PIH1D1: variants seen among roughly 807,000 people sequenced by gnomAD.
PIH1D1 encodes PIH1 domain containing 1.
PIH1D1 carries 28 observed loss-of-function variants against 38.5 expected under a neutral mutation model. The ratio of observed to expected loss-of-function variants is 0.73; its 90% CI spans 0.54 to 1.00. The LOEUF (loss-of-function observed/expected upper bound fraction) is 1.00, where lower values mean the gene tolerates loss of function less well. Among genes scored for constraint, PIH1D1 ranks in the 50% least tolerant of loss-of-function variants. The pLI is 0.00. For synonymous variants in PIH1D1, 155 were observed against 153.5 expected, an observed-to-expected ratio of 1.01 and a Z score of -0.07; for missense variants, 343 against 369.9, an observed-to-expected ratio of 0.93 and a Z score of 0.60.
At chr19:49,447,963 AC>A in intron 4 of PIH1D1, 37 bp downstream of exon 4, 1 of 1,613,552 alleles carries the variant, frequency 6.2e-7, no homozygotes, top group African/African-American at 1.3e-5. Flanking sequence ...AGGGGTAGAG[AC>A]CCCTGCCCAG....
In PIH1D1 at chr19:49,451,508, G is replaced by T; in HGVS notation, c.67C>A (p.Arg23=). 1 of 1,613,744 alleles carries T rather than the reference G, an allele frequency of 6.2e-7. No homozygotes were observed. Among genetic ancestry groups the T allele is most frequent in the African/African-American group, 1.3e-5 (1 of 74,976 alleles). The change falls in exon 1 of 9, where the codon CGA becomes AGA. Residue 23 remains arginine, a synonymous_variant. Coordinates refer to ENST00000262265, the MANE Select transcript of PIH1D1 (RefSeq NM_017916.3). ...ACCTGCAGCAGCAGCTCCTCAAATC[G>T]CGCCGAATCAGCACCGATCGCCTCC... ...EAEAIGADSA[R]FEELLLQASK...
chr19:49,446,705 G>A lies in PIH1D1; in HGVS notation c.688-11C>T. The A allele has an allele frequency of 6.5e-7, 1 of 1,539,366 alleles. No homozygotes were observed. Among genetic ancestry groups the A allele is most frequent in the Non-Finnish European group, 8.7e-7 (1 of 1,145,426 alleles). On this transcript the variant is annotated splice_polypyrimidine_tract_variant and intron_variant, in intron 7 of 8. Coordinates refer to ENST00000262265, the MANE Select transcript of PIH1D1 (RefSeq NM_017916.3). Reference sequence around the variant, plus strand: ...CCCCAGGGCTCCATCCTGGAGAGGTGGCGGAATCAGGTCACCCTCCCCAGC... The same window carrying A: ...CCCCAGGGCTCCATCCTGGAGAGGTAGCGGAATCAGGTCACCCTCCCCAGC...
intron 3 of PIH1D1, 60 bp from the exon 4 acceptor site, chr19:49,448,122 G>T: frequency 1.3e-6 from 2 of 1,532,074 alleles, no homozygotes; most frequent in Admixed American, 1.7e-5. Context: ...CCACAGCCCA[G>T]ACCCAGACAG....
rs568738092 is a variant in PIH1D1 at position 49,446,591 on chromosome 19, T to C, written c.791A>G (p.Asn264Ser). 65 of 1,613,244 alleles carry C rather than the reference T, an allele frequency of 4.0e-5. No homozygotes were observed. The highest frequency in any genetic ancestry group is 1.6e-4 in the Middle Eastern group (1 of 6,084). Reference sequence around the variant, plus strand: ...GAAGGCTGCCTTGCTCTCATGAGAGTTGATCTGCAGCGGGATATAAGCGTC... The same window carrying C: ...GAAGGCTGCCTTGCTCTCATGAGAGCTGATCTGCAGCGGGATATAAGCGTC... ...HLDAYIPLQI[N>S]SHESKAAFHR... Residue 264 changes from asparagine to serine, a missense_variant, in exon 8 of 9, where the codon AAC (asparagine) becomes AGC (serine). Asn to Ser is a conservative substitution (Grantham distance 46). Coordinates refer to ENST00000262265, the MANE Select transcript of PIH1D1 (RefSeq NM_017916.3).
At chr19:49,451,386 G>T in intron 1 of PIH1D1, 99 bp downstream of exon 1, 1 of 1,540,176 alleles carries the variant, frequency 6.5e-7, no homozygotes, top group Non-Finnish European at 8.9e-7. Flanking sequence ...CCCGAGGCCT[G>T]GTTCCCGCCT....
intron 2 of PIH1D1, 85 bp downstream of exon 2, chr19:49,450,697 C>CTTTTTT: frequency 1.1e-6 from 1 of 898,886 alleles, no homozygotes; most frequent in South Asian, 2.2e-5. Context: ...CACCCTAGGC[C>CTTTTTT]TTTATTTTCG....
Position 49,449,483 on chromosome 19 carries a change from A to G in PIH1D1, c.329T>C (p.Leu110Pro). Reference sequence around the variant, plus strand: ...CCTCTGAGGGCACTGACTTGCATCCAGTTCTGCATGAGGCTCTCCCAGACT... The same window carrying G: ...CCTCTGAGGGCACTGACTTGCATCCGGTTCTGCATGAGGCTCTCCCAGACT... ...PMSLGEPHAE[L>P]DAKGQGCTAY... The change falls in exon 3 of 9, where the codon CTG becomes CCG. Residue 110 changes from leucine to proline, a missense_variant. Leu to Pro is a moderately conservative substitution (Grantham distance 98). Coordinates refer to ENST00000262265, the MANE Select transcript of PIH1D1 (RefSeq NM_017916.3). The G allele has an allele frequency of 1.2e-6, 2 of 1,614,144 alleles. No homozygotes were observed. Among genetic ancestry groups the G allele is most frequent in the Admixed American group, 1.7e-5 (1 of 60,022 alleles).
intron 3 of PIH1D1, chr19:49,448,285 C>A: frequency 1.7e-6 from 1 of 575,996 alleles, no homozygotes. Flanking sequence ...TAGAGTTGAC[C>A]CTATCCCTTC....
chr19:49,446,687 G>A lies in PIH1D1; in HGVS notation c.695C>T (p.Ala232Val), dbSNP rs1263972305. 6.4e-7 allele frequency: 1 copy of A among 1,567,104 alleles called. No individual in the cohort carries two copies. The highest frequency in any genetic ancestry group is 1.2e-5 in the South Asian group (1 of 82,760). The change falls in exon 8 of 9, where the codon GCC becomes GTC. Residue 232 changes from alanine (A) to valine (V), a missense_variant. Transcript: ENST00000262265. Reference protein sequence around the residue: ...AEVDLPKLDGALGLSLEIGEN... With the variant: ...AEVDLPKLDGVLGLSLEIGEN... The stretch of plus-strand genomic sequence containing the variant: ...CCCGATCTCCAGCGACAGCCCCAGG[G>A]CTCCATCCTGGAGAGGTGGCGGAAT...
intron 3 of PIH1D1, chr19:49,448,353 C>A (rs1351019906): frequency 1.1e-5 from 5 of 471,710 alleles, no homozygotes; most frequent in Non-Finnish European, 1.5e-5. Context: ...CTGAGCCCCA[C>A]AAGCCTGGCG....
At chr19:49,449,233 G>T in intron 3 of PIH1D1, 1 of 664,378 alleles carries the variant, frequency 1.5e-6, no homozygotes, top group Non-Finnish European at 2.8e-6. Context: ...AGAGCACTCT[G>T]CCCAGGCCTC....
rs776686107 is a variant in PIH1D1 at position 49,447,849 on chromosome 19, T to G, written c.459A>C (p.Lys153Asn). 6.2e-7 allele frequency: 1 copy of G among 1,614,022 alleles called. No homozygotes were observed. The highest frequency in any genetic ancestry group is 8.5e-7 in the Non-Finnish European group (1 of 1,179,998). ...ITIAREGLED[K>N]YNLQLNPEWR... ...CACCCGGATTCAGCTGCAAGTTGTA[T>G]TTGTCCTCAAGGCCCTCCCTGGCGA... The change falls in exon 5 of 9, where the codon AAA (lysine) becomes AAC (asparagine). Residue 153 changes from lysine to asparagine, a missense_variant. Lys to Asn is a moderately conservative substitution (Grantham distance 94). Coordinates refer to ENST00000262265, the MANE Select transcript of PIH1D1 (RefSeq NM_017916.3).
chr19:49,451,560 C>G lies in PIH1D1; in HGVS notation c.15G>C (p.Lys5Asn), dbSNP rs1355715579. ...CCTCGCTTAGCCCCATTCCCAGCAGCTTCGGGTTCGCCATGGCCCTGGGAA... is the reference window on the plus strand; with the variant it reads ...CCTCGCTTAGCCCCATTCCCAGCAGGTTCGGGTTCGCCATGGCCCTGGGAA... MANP[K>N]LLGMGLSEAE... is the part of the protein sequence containing the mutation. The change falls in exon 1 of 9, where the codon AAG becomes AAC. Residue 5 changes from lysine (K) to asparagine (N), a missense_variant. Lys to Asn is a moderately conservative substitution (Grantham distance 94). Coordinates refer to ENST00000262265, the MANE Select transcript of PIH1D1 (RefSeq NM_017916.3). 6.2e-7 allele frequency: 1 copy of G among 1,613,456 alleles called. No homozygotes were observed. The highest frequency in any genetic ancestry group is 8.5e-7 in the Non-Finnish European group (1 of 1,179,936).
In PIH1D1 at chr19:49,447,914, G is replaced by T; in HGVS notation, c.400-6C>A. The T allele has an allele frequency of 6.2e-7, 1 of 1,614,124 alleles. No homozygotes were observed. The highest frequency in any genetic ancestry group is 8.5e-7 in the Non-Finnish European group (1 of 1,179,990). On this transcript the variant is annotated splice_region_variant and splice_polypyrimidine_tract_variant and intron_variant, in intron 4 of 8. Transcript: ENST00000262265. ...TCCCGCAAGAAATCGCTGTTCTGGG[G>T]TGACAGAGAGGGAAAAGACAGGCGG...
intron 1 of PIH1D1, 157 bp from the exon 2 acceptor site, chr19:49,451,005 C>A: frequency 7.6e-7 from 1 of 1,318,298 alleles, no homozygotes; most frequent in South Asian, 1.4e-5. Context: ...AGAAGAACAA[C>A]CCCAACCCCA....
At chr19:49,451,215 G>A (rs1261120395) in intron 1 of PIH1D1, among the ~76,000 whole-genome samples, 1 of 151,686 alleles carries the variant, frequency 6.6e-6, no homozygotes, top group Non-Finnish European at 1.5e-5. Context: ...ATTTTTAGTA[G>A]AGACGGGGTT....
At position 49,447,345 on chromosome 19, in the gene PIH1D1, C is replaced by CCCGGGGGCG; in HGVS notation, c.603_604insCGCCCCCGG (p.Ala201_Glu202insArgProArg). The CCCGGGGGCG allele has an allele frequency of 6.2e-7, 1 of 1,613,944 alleles. No homozygotes were observed. The highest frequency in any genetic ancestry group is 8.5e-7 in the Non-Finnish European group (1 of 1,179,968). On this transcript the variant is annotated inframe_insertion, in exon 6 of 9. Coordinates refer to ENST00000262265, the MANE Select transcript of PIH1D1 (RefSeq NM_017916.3). ...GATCTACCGAAGGCCCACCCTGACT[C>CCCGGGGGCG]AGCTCTCCCGGGGGCGGGCGTGTAC... is the stretch of plus-strand genomic sequence containing the variant.
chr19:49,451,401 G>A (rs1177094693), intron 1 of PIH1D1, 84 bp downstream of exon 1: 2 of 1,577,194 alleles, frequency 1.3e-6, no homozygotes, highest in Non-Finnish European at 1.7e-6. Context: ...CCGCCTTAGT[G>A]CATTCTGGGA....
intron 2 of PIH1D1, 138 bp from the exon 3 acceptor site, chr19:49,449,792 CTCTTTT>C: frequency 1.8e-6 from 1 of 549,754 alleles, no homozygotes; most frequent in Non-Finnish European, 3.1e-6. Context: ...TCCCTCACTT[CTCTTTT>C]TTTTTTTTTT....
Sources: allele counts gnomAD v4.1 joint callset (sites outside exome capture counted in the v4.1 genomes callset), GRCh38; gene constraint gnomAD v4.1.1; transcripts MANE v1.5; gene names NCBI Gene and HGNC (gene_info 2026-07-23, HGNC 2026-07-21).